Variants in KAT6B observed in about 807,000 individuals in gnomAD.
KAT6B encodes the protein lysine acetyltransferase 6B.
KAT6B carries 10 observed loss-of-function variants against 187.5 expected under a neutral mutation model. That is an observed-to-expected ratio of 0.05 (90% CI 0.03 to 0.09). The LOEUF (loss-of-function observed/expected upper bound fraction) is 0.09. KAT6B is among the 10% of genes least tolerant of loss of function. KAT6B has a pLI of 1.00. For synonymous variants in KAT6B, 861 were observed against 926.8 expected (o/e 0.93, Z 1.29); for missense variants, 1,952 against 2,558.9 (o/e 0.76, Z 5.12).
intron 4 of KAT6B, among the ~76,000 whole-genome samples, chr10:74,965,926 G>A (rs1378245662): frequency 1.1e-4 from 16 of 151,260 alleles, no homozygotes; most frequent in East Asian, 3.9e-4. Context: ...TAGTAGAGAC[G>A]GGGTTTCACC....
intron 3 of KAT6B, among the ~76,000 whole-genome samples, chr10:74,851,348 T>C (rs2132169695): frequency 6.6e-6 from 1 of 151,042 alleles, no homozygotes; most frequent in East Asian, 1.9e-4. Context: ...TTTTTTTTTT[T>C]TTTGGAGATG....
At chr10:74,925,862 C>T (rs1216624332) in intron 3 of KAT6B, among the ~76,000 whole-genome samples, 1 of 151,786 alleles carries the variant, frequency 6.6e-6, no homozygotes, top group Non-Finnish European at 1.5e-5. Flanking sequence ...TCATTATGTG[C>T]TTGAAATAGA....
intron 3 of KAT6B, among the ~76,000 whole-genome samples, chr10:74,913,870 G>A (rs1847434860): frequency 6.6e-6 from 1 of 152,184 alleles, no homozygotes; most frequent in Non-Finnish European, 1.5e-5. Flanking sequence ...TAGTAGACCT[G>A]TTTTCAAGCC....
At chr10:74,920,853 C>T (rs1198943115) in intron 3 of KAT6B, among the ~76,000 whole-genome samples, 1 of 151,984 alleles carries the variant, frequency 6.6e-6, no homozygotes, top group East Asian at 1.9e-4. Flanking sequence ...CTGTTCCATC[C>T]CAAGGTGGGA....
At chr10:74,956,840 A>G (rs564626409) in intron 3 of KAT6B, among the ~76,000 whole-genome samples, 3 of 152,346 alleles carry the variant, frequency 2.0e-5, no homozygotes, top group Admixed American at 1.3e-4. Context: ...TGCTGGATGT[A>G]TTCATCTTTA....
chr10:74,896,909 A>G (rs1846030284), intron 3 of KAT6B, among the ~76,000 whole-genome samples: 1 of 152,230 alleles, frequency 6.6e-6, no homozygotes, highest in Admixed American at 6.5e-5. Context: ...CTAGATCAGC[A>G]TTGAACCAAA....
intron 3 of KAT6B, among the ~76,000 whole-genome samples, chr10:74,948,863 T>G (rs557990324): frequency 6.6e-6 from 1 of 152,350 alleles, no homozygotes; most frequent in African/African-American, 2.4e-5. Flanking sequence ...CTTGCATTGT[T>G]TTCAGAATCT....
At chr10:74,847,920 C>CTT (rs528371220) in intron 3 of KAT6B, among the ~76,000 whole-genome samples, 279 of 131,800 alleles carry the variant, frequency 2.1e-3, no homozygotes, top group African/African-American at 7.3e-3. Flanking sequence ...TTTTCTTTTT[C>CTT]TTTTTTTTTT....
intron 13 of KAT6B, among the ~76,000 whole-genome samples, chr10:74,999,672 A>G (rs1001180831): frequency 3.3e-5 from 5 of 152,142 alleles, no homozygotes; most frequent in African/African-American, 9.7e-5. Context: ...CTGTTACCGG[A>G]ATTACACACA....
upstream of KAT6B, among the ~76,000 whole-genome samples, chr10:74,825,369 G>C (rs1357354758): frequency 6.6e-6 from 1 of 151,242 alleles, no homozygotes; most frequent in Non-Finnish European, 1.5e-5. This position sits in a 1 kb window ranked among gnomAD's most constrained non-coding sequence, Gnocchi z 5.0. Flanking sequence ...AGGTACCCCC[G>C]GGGCGGAGAC....
At chr10:74,918,532 A>G (rs1564563473) in intron 3 of KAT6B, among the ~76,000 whole-genome samples, 1 of 152,220 alleles carries the variant, frequency 6.6e-6, no homozygotes, top group South Asian at 2.1e-4. Context: ...ACCTAAGGTC[A>G]GGAGTTCAGG....
At chr10:74,855,159 A>G (rs1470590664) in intron 3 of KAT6B, among the ~76,000 whole-genome samples, 3 of 152,188 alleles carry the variant, frequency 2.0e-5, no homozygotes, top group Admixed American at 6.5e-5. Context: ...GTGAATTTAG[A>G]TAATTTCTTC....
intron 9 of KAT6B, among the ~76,000 whole-genome samples, chr10:74,978,087 A>G (rs1842275694): frequency 6.6e-6 from 1 of 152,218 alleles, no homozygotes; most frequent in Admixed American, 6.5e-5. Flanking sequence ...CAGTGTGGTC[A>G]GGTAGACTCC....
chr10:74,890,456 A>G (rs888911035), intron 3 of KAT6B, among the ~76,000 whole-genome samples: 20 of 152,100 alleles, frequency 1.3e-4, no homozygotes, highest in Admixed American at 2.0e-4. Flanking sequence ...CTGGCCAACA[A>G]TGCAAAATCC....
At chr10:75,003,706 T>C (rs1257791899) in intron 13 of KAT6B, among the ~76,000 whole-genome samples, 1 of 152,238 alleles carries the variant, frequency 6.6e-6, no homozygotes. Context: ...ATTACTGTTT[T>C]ATTATATTGG....
At chr10:74,912,596 T>C (rs1420140819) in intron 3 of KAT6B, among the ~76,000 whole-genome samples, 2 of 152,330 alleles carry the variant, frequency 1.3e-5, no homozygotes, top group Admixed American at 6.5e-5. Context: ...AGCATTTTGC[T>C]TTCTCCTATC....
At chr10:74,860,197 C>G (rs1447919666) in intron 3 of KAT6B, among the ~76,000 whole-genome samples, 1 of 151,950 alleles carries the variant, frequency 6.6e-6, no homozygotes, top group African/African-American at 2.4e-5. Context: ...CTTCTCTCTC[C>G]TGAAATCCAT....
intron 4 of KAT6B, among the ~76,000 whole-genome samples, chr10:74,965,331 G>A (rs918017764): frequency 2.0e-5 from 3 of 152,084 alleles, no homozygotes; most frequent in African/African-American, 4.8e-5. Context: ...CTAACTTCCT[G>A]CTAGATTCTC....
At chr10:74,856,201 T>C (rs1345831024) in intron 3 of KAT6B, among the ~76,000 whole-genome samples, 1 of 152,192 alleles carries the variant, frequency 6.6e-6, no homozygotes, top group Non-Finnish European at 1.5e-5. Flanking sequence ...TTCTCTTGCC[T>C]CAGCCTCCCG....
Sources: gnomAD v4.1 joint callset for allele counts (sites outside exome capture counted in the v4.1 genomes callset) on GRCh38, gnomAD v4.1.1 for gene constraint, Gnocchi (gnomAD v3.1) non-coding constraint, MANE v1.5 for transcripts, NCBI Gene and HGNC (gene_info 2026-07-23, HGNC 2026-07-21) for gene names.